The following DPP8 variants were observed in gnomAD, a reference collection of about 807,000 sequenced individuals.
DPP8 encodes the protein dipeptidyl peptidase 8, also known as DPP VIII.
DPP8 carries 31 observed loss-of-function variants against 107.5 expected under a neutral mutation model. The ratio of observed to expected loss-of-function variants is 0.29; its 90% CI spans 0.22 to 0.39. The LOEUF (loss-of-function observed/expected upper bound fraction) is 0.39. DPP8 is among the 10% of genes least tolerant of loss of function. The pLI is 1.00. For missense variants in DPP8, 842 were observed against 1,076.1 expected (o/e 0.78, Z 3.04); for synonymous variants, 381 against 356.6 (o/e 1.07, Z -0.77).
intron 3 of DPP8, 93 bp from the exon 4 acceptor site, chr15:65,500,872 T>G: frequency 3.9e-6 from 2 of 512,422 alleles, no homozygotes; most frequent in Non-Finnish European, 6.6e-6. Context: ...CATTATTGAC[T>G]CTTTTTTTTT....
At chr15:65,502,052 G>A (rs2069301045) in intron 3 of DPP8, among the ~76,000 whole-genome samples, 1 of 152,068 alleles carries the variant, frequency 6.6e-6, no homozygotes, top group East Asian at 1.9e-4. Flanking sequence ...ACCACGCCCA[G>A]CTAATATTTT....
intron 15 of DPP8, among the ~76,000 whole-genome samples, chr15:65,457,425 T>G (rs759387422): frequency 2.0e-5 from 3 of 151,918 alleles, no homozygotes; most frequent in Non-Finnish European, 4.4e-5. Context: ...AGTGCAGTGG[T>G]ACAATCATAG....
intron 3 of DPP8, among the ~76,000 whole-genome samples, chr15:65,501,854 TAGCA>T (rs535954911): frequency 4.3e-4 from 66 of 152,332 alleles, no homozygotes; most frequent in African/African-American, 1.4e-3. Context: ...AATTCTCAGC[TAGCA>T]AAGTTTTCCA....
chr15:65,467,436 C>T (rs55770518), intron 12 of DPP8, among the ~76,000 whole-genome samples: 15,929 of 152,120 alleles, frequency 0.1, 913 homozygotes, highest in Middle Eastern at 0.14. Flanking sequence ...AGCTGTAATG[C>T]AATGATGCGA....
rs1025968718 is a variant in DPP8, at chr15:65,478,884, A to G, written c.1452T>C (p.Ala484=). 3 of 1,558,438 alleles carry G rather than the reference A, an allele frequency of 1.9e-6. No homozygotes were observed. Among genetic ancestry groups the G allele is most frequent in the Non-Finnish European group, 2.6e-6 (3 of 1,159,984 alleles). Residue 484 remains alanine (A), a synonymous_variant, in exon 11 of 20, where the codon GCT becomes GCC. Coordinates refer to ENST00000300141, the MANE Select transcript of DPP8 (RefSeq NM_130434.5). ...AAAATAAAATGGATTTCTTACTTGG[A>G]GCAGGCAGCCCACCACTGGATCGTT... ...KYKRSSGGLP[A]PSDFKCPIKE...
Position 65,446,874 on chromosome 15 carries a change from C to T in DPP8, c.*10G>A. ...CCAGTGTATACCAGAGAGTTCTACA[C>T]AGGTCAAAATTATATCACTTTTAGA... is the stretch of plus-strand genomic sequence containing the variant. On this transcript the variant is annotated 3_prime_UTR_variant, in exon 20 of 20. Coordinates refer to ENST00000300141, the MANE Select transcript of DPP8 (RefSeq NM_130434.5). The T allele has an allele frequency of 6.2e-7, 1 of 1,606,520 alleles. No individual in the cohort carries two copies. Among genetic ancestry groups the T allele is most frequent in the South Asian group, 1.1e-5 (1 of 89,492 alleles).
chr15:65,478,368 C>T (rs146269890), intron 11 of DPP8, among the ~76,000 whole-genome samples: 7,280 of 152,170 alleles, frequency 0.048, 593 homozygotes, highest in African/African-American at 0.17. Flanking sequence ...AAGTGATTTT[C>T]CTGCCTCAGC....
chr15:65,463,690 A>G, intron 15 of DPP8, 71 bp downstream of exon 15: 1 of 1,361,950 alleles, frequency 7.3e-7, no homozygotes. Flanking sequence ...CTGACTAGAC[A>G]TTTAAAAAAC....
chr15:65,474,620 A>G (rs1201968369), intron 11 of DPP8, among the ~76,000 whole-genome samples: 1 of 152,186 alleles, frequency 6.6e-6, no homozygotes, highest in African/African-American at 2.4e-5. Flanking sequence ...AGCTAGAACT[A>G]GACACCACTA....
At chr15:65,496,955 T>C (rs1282002689) in intron 5 of DPP8, among the ~76,000 whole-genome samples, 1 of 152,122 alleles carries the variant, frequency 6.6e-6, no homozygotes, top group Non-Finnish European at 1.5e-5. Flanking sequence ...AGTGGCGCAG[T>C]CTCAGCTAAC....
chr15:65,500,832 C>G, intron 3 of DPP8, 53 bp from the exon 4 acceptor site: 2 of 1,270,746 alleles, frequency 1.6e-6, no homozygotes, highest in Non-Finnish European at 2.2e-6. Flanking sequence ...CCATCTTTTG[C>G]TTTTAGCACT....
intron 11 of DPP8, among the ~76,000 whole-genome samples, chr15:65,478,537 G>A (rs2066612844): frequency 6.6e-6 from 1 of 152,284 alleles, no homozygotes; most frequent in African/African-American, 2.4e-5. Flanking sequence ...TGGGATTATA[G>A]GTGTGAGCCA....
At chr15:65,505,338 G>C (rs1208720760) in intron 3 of DPP8, among the ~76,000 whole-genome samples, 1 of 126,668 alleles carries the variant, frequency 7.9e-6, no homozygotes. Context: ...CTGGGCGATA[G>C]AGTGAGACTC....
At chr15:65,478,247 T>A (rs745962100) in intron 11 of DPP8, among the ~76,000 whole-genome samples, 77 of 152,160 alleles carry the variant, frequency 5.1e-4, no homozygotes, top group Non-Finnish European at 1.0e-3. Flanking sequence ...ACATAACATT[T>A]AAAAAAAATA....
intron 12 of DPP8, among the ~76,000 whole-genome samples, chr15:65,467,605 T>C (rs2065476888): frequency 6.6e-6 from 1 of 152,078 alleles, no homozygotes; most frequent in Non-Finnish European, 1.5e-5. Context: ...CTTAAACCCA[T>C]AGCTTCAAGC....
intron 12 of DPP8, among the ~76,000 whole-genome samples, chr15:65,469,053 G>GC (rs201439556): frequency 0.018 from 2,690 of 152,176 alleles, 41 homozygotes; most frequent in Non-Finnish European, 0.025. Context: ...TCGGCTCACT[G>GC]CAACCTCCGT....
intron 6 of DPP8, among the ~76,000 whole-genome samples, chr15:65,489,047 A>G (rs559212244): frequency 6.6e-6 from 1 of 151,656 alleles, no homozygotes; most frequent in African/African-American, 2.4e-5. Context: ...TGCAATCTCC[A>G]CCTCCCGGGT....
At chr15:65,505,631 G>A (rs2069861906) in intron 3 of DPP8, among the ~76,000 whole-genome samples, 1 of 152,094 alleles carries the variant, frequency 6.6e-6, no homozygotes, top group South Asian at 2.1e-4. Context: ...AAAGGGCAAT[G>A]TTCATGACAA....
At chr15:65,475,763 G>GT (rs2066328973) in intron 11 of DPP8, 2 of 454,564 alleles carry the variant, frequency 4.4e-6, no homozygotes, top group Non-Finnish European at 8.1e-6. Flanking sequence ...TTTTGTTTTT[G>GT]TTTTTTTCCT....
Sources: allele counts gnomAD v4.1 joint callset (sites outside exome capture counted in the v4.1 genomes callset), GRCh38; gene constraint gnomAD v4.1.1; transcripts MANE v1.5; gene names NCBI Gene and HGNC (gene_info 2026-07-23, HGNC 2026-07-21).